Variants in TTC34 observed in about 807,000 individuals in gnomAD.
TTC34 encodes tetratricopeptide repeat protein 34.
TTC34 carries 44 observed loss-of-function variants against 40.7 expected under a neutral mutation model. The observed-to-expected ratio is 1.08, with a 90% CI of 0.85 to 1.39. The LOEUF (loss-of-function observed/expected upper bound fraction) is 1.39. TTC34 is among the 40% of genes most tolerant of loss of function. TTC34 has a pLI of 0.00. For missense variants in TTC34, 884 were observed against 838.0 expected, an observed-to-expected ratio of 1.05 and a Z score of -0.68; for synonymous variants, 422 against 398.6, an observed-to-expected ratio of 1.06 and a Z score of -0.70.
Position 2,645,840 on chromosome 1 carries a change from C to T in TTC34, c.2227-277G>A, listed in dbSNP as rs914138944. ...TCAGAACCCCTTTTCTGAGGCCAAA[C>T]GCTGCTAATTTCCATCTCCTGAGGC... On this transcript the variant is annotated intron_variant, in intron 6 of 8. Transcript: ENST00000401095. This position sits in a 1 kb window ranked among gnomAD's most constrained non-coding sequence, Gnocchi z 4.7. 2.0e-5 allele frequency among the ~76,000 whole-genome samples: 3 copies of T among 152,132 alleles called. No homozygotes were observed. The highest frequency in any genetic ancestry group is 3.8e-4 in the East Asian group (2 of 5,198).
chr1:2,799,925 C>T (rs1401883601), intron 2 of TTC34, 119 bp downstream of exon 2: 9 of 397,824 alleles, frequency 2.3e-5, no homozygotes, highest in Admixed American at 4.4e-5. Flanking sequence ...TTTCTTGTCA[C>T]TGAGGCACCC....
At chr1:2,791,092 G>A (rs1643657573) in intron 2 of TTC34, among the ~76,000 whole-genome samples, 1 of 152,122 alleles carries the variant, frequency 6.6e-6, no homozygotes, top group Non-Finnish European at 1.5e-5. Context: ...TGAGGTCAGG[G>A]GCAGCATCCC....
chr1:2,645,361 G>A lies in TTC34; in HGVS notation c.2429C>T (p.Ala810Val), dbSNP rs1279703906. ...TTGCCCTGAGTCGATTTTGATCAGC[G>A]CCTCCCCCACAGCAAGGAGGCCCTG... The change falls in exon 7 of 9, where the codon GCG becomes GTG. Residue 810 changes from alanine to valine, a missense_variant. Transcript: ENST00000401095. The surrounding 1 kb of genome is among the most constrained non-coding windows in gnomAD (Gnocchi z 4.7). 4 of 1,533,126 alleles carry A rather than the reference G, an allele frequency of 2.6e-6. No homozygotes were observed. Among genetic ancestry groups the A allele is most frequent in the Non-Finnish European group, 2.6e-6 (3 of 1,145,182 alleles). 95.0% of individuals were successfully genotyped at this position (1,533,126 alleles called of 1,614,324 possible).
rs1337644643 is a variant in TTC34 at position 2,683,778 on chromosome 1, G to A, written c.2227-38215C>T. Among the ~76,000 whole-genome samples the A allele has an allele frequency of 1.3e-4, 20 of 150,448 alleles. No homozygotes were observed. The South Asian group carries it at 3.6e-3, about 27-fold the overall frequency. On this transcript the variant is annotated intron_variant, in intron 6 of 8. Coordinates refer to ENST00000401095, the Ensembl canonical transcript of TTC34. ...CCCCCAGGTGAGCATCTGACAGGCT[G>A]GAGCAGCACGCACACCCCCAGTTGA... is the stretch of plus-strand genomic sequence containing the variant.
At chr1:2,641,205 GAGGGTTGGGA>G (rs1294287993) in exon 9 of TTC34, 28 of 664,824 alleles carry the variant, frequency 4.2e-5, no homozygotes, top group Non-Finnish European at 5.9e-5. Context: ...GGGTTGTGGG[GAGGGTTGGGA>G]AGGGGTGTGT....
chr1:2,638,870 C>G (rs1638842283), exon 9 of TTC34: 1 of 152,312 alleles, frequency 6.6e-6, no homozygotes, highest in Admixed American at 6.5e-5. Flanking sequence ...CTTTGTCTAT[C>G]TGGACTGCCC....
intron 6 of TTC34, among the ~76,000 whole-genome samples, chr1:2,750,570 G>T (rs1641284933): frequency 1.3e-5 from 2 of 151,942 alleles, no homozygotes; most frequent in African/African-American, 4.8e-5. Flanking sequence ...CACACCCCCA[G>T]GTGAGCATCT....
chr1:2,662,407 G>T (rs1639577964), intron 6 of TTC34, among the ~76,000 whole-genome samples: 4 of 96,938 alleles, frequency 4.1e-5, no homozygotes, highest in African/African-American at 1.2e-4. Flanking sequence ...AACCACAGGT[G>T]AACATCAGAG....
At chr1:2,777,664 C>T (rs1029543783) in intron 6 of TTC34, among the ~76,000 whole-genome samples, 1 of 145,970 alleles carries the variant, frequency 6.9e-6, no homozygotes, top group African/African-American at 2.6e-5. Context: ...CATGCCTCCT[C>T]TCAGGGTGAA....
intron 6 of TTC34, among the ~76,000 whole-genome samples, chr1:2,753,319 T>C (rs1203924408): frequency 1.5e-3 from 167 of 110,146 alleles, no homozygotes; most frequent in African/African-American, 2.1e-3. Flanking sequence ...TCCGACAGCC[T>C]GGAGCATCAC....
At chr1:2,683,720 G>A (rs1237457151) in intron 6 of TTC34, among the ~76,000 whole-genome samples, 8 of 149,150 alleles carry the variant, frequency 5.4e-5, no homozygotes, top group South Asian at 2.1e-4. Context: ...ACACCCCCAG[G>A]TGAGCAGCTG....
intron 6 of TTC34, among the ~76,000 whole-genome samples, chr1:2,648,454 G>C (rs563406114): frequency 3.9e-4 from 60 of 152,288 alleles, no homozygotes; most frequent in African/African-American, 1.3e-3. Flanking sequence ...AAGATGTTCA[G>C]AAAAGCCTCT....
intron 6 of TTC34, among the ~76,000 whole-genome samples, chr1:2,687,464 C>T (rs1293130718): frequency 1.3e-5 from 1 of 77,820 alleles, no homozygotes; most frequent in Non-Finnish European, 2.5e-5. Context: ...GAGCATCCGA[C>T]AGCCTGGAAC....
rs1284887302 is a variant in TTC34, at chr1:2,750,906, C to T, written c.2226+32703G>A. Among the ~76,000 whole-genome samples, 8 of 35,860 alleles carry T rather than the reference C, an allele frequency of 2.2e-4. 2 individuals carry two copies. The highest frequency in any genetic ancestry group is 3.4e-4 in the Non-Finnish European group (7 of 20,688). The allele number at this position is 35,860 out of a possible 152,430, so 23.5% of individuals were successfully genotyped here. ...CCAAACCCCCAGGCGAGCATCTGAACGCACGGAGCAGCACCCACACCTTCA... is the reference window on the plus strand; with the variant it reads ...CCAAACCCCCAGGCGAGCATCTGAATGCACGGAGCAGCACCCACACCTTCA... On this transcript the variant is annotated intron_variant, in intron 6 of 8. Coordinates refer to ENST00000401095, the Ensembl canonical transcript of TTC34.
chr1:2,652,126 CCCAGGTGAGCATCCG>C (rs1318133108), intron 6 of TTC34, among the ~76,000 whole-genome samples: 16 of 65,968 alleles, frequency 2.4e-4, no homozygotes, highest in South Asian at 5.2e-4. Flanking sequence ...ACCCTGCACC[CCCAGGTGAGCATCCG>C]ACAGCCTGGA....
chr1:2,759,949 A>C (rs1641640222), intron 6 of TTC34, among the ~76,000 whole-genome samples: 1 of 130,672 alleles, frequency 7.7e-6, no homozygotes, highest in Non-Finnish European at 1.6e-5. Context: ...ACAGCCTGGA[A>C]AGGCACCCAC....
At chr1:2,768,021 A>G (rs1334224197) in intron 6 of TTC34, among the ~76,000 whole-genome samples, 1 of 151,322 alleles carries the variant, frequency 6.6e-6, no homozygotes, top group African/African-American at 2.4e-5. Flanking sequence ...TGAGCATCTG[A>G]CAGCATAAAA....
rs1557626053 is a variant in TTC34, at chr1:2,695,720, AG to A, written c.2227-50158del. 2.0e-5 allele frequency among the ~76,000 whole-genome samples: 3 copies of A among 150,254 alleles called. No homozygotes were observed. In the East Asian group the frequency reaches 5.9e-4, roughly 30 times the overall value. Reference sequence around the variant, plus strand: ...AGCCTGGAACAGCACCCACACCCCCAGGTGAGCAGCTGAAATCCTGGAACAG... The same window carrying A: ...AGCCTGGAACAGCACCCACACCCCCAGTGAGCAGCTGAAATCCTGGAACAG... On this transcript the variant is annotated intron_variant, in intron 6 of 8. Coordinates refer to ENST00000401095, the Ensembl canonical transcript of TTC34.
chr1:2,693,734 G>A (rs1640732820), intron 6 of TTC34, among the ~76,000 whole-genome samples: 2 of 66,508 alleles, frequency 3.0e-5, no homozygotes, highest in Admixed American at 1.5e-4. Flanking sequence ...AACGCAAGGA[G>A]CAGCACCCAC....
Sources: gnomAD v4.1 joint callset for allele counts (sites outside exome capture counted in the v4.1 genomes callset) on GRCh38, gnomAD v4.1.1 for gene constraint, Gnocchi (gnomAD v3.1) non-coding constraint, MANE v1.5 for transcripts, NCBI Gene and HGNC (gene_info 2026-07-23, HGNC 2026-07-21) for gene names.